Variants in LUZP2 observed in about 807,000 individuals in gnomAD.
The protein encoded by LUZP2 is leucine zipper protein 2.
A neutral mutation model predicts 51.6 loss-of-function variants in LUZP2; 52 were observed. The ratio of observed to expected loss-of-function variants is 1.01; its 90% CI spans 0.81 to 1.27. The LOEUF (loss-of-function observed/expected upper bound fraction) is 1.27. Among genes scored for constraint, LUZP2 ranks in the 50% most tolerant of loss-of-function variants. The pLI, the probability that LUZP2 is intolerant of heterozygous loss-of-function variation, is 0.00. For missense variants in LUZP2, 436 were observed against 395.4 expected (o/e 1.10, Z -0.87); for synonymous variants, 154 against 137.3 (o/e 1.12, Z -0.85).
chr11:24,692,965 GT>G (rs890087981), intron 1 of LUZP2, among the ~76,000 whole-genome samples: 87 of 150,884 alleles, frequency 5.8e-4, no homozygotes, highest in African/African-American at 1.9e-3. Flanking sequence ...TGACTGACAA[GT>G]TTTTTTTTAT....
intron 6 of LUZP2, among the ~76,000 whole-genome samples, chr11:24,909,676 C>T (rs1192572774): frequency 6.6e-6 from 1 of 152,000 alleles, no homozygotes; most frequent in African/African-American, 2.4e-5. Context: ...TAATGATAAC[C>T]ATGTAAAGCA....
chr11:24,976,742 C>T (rs1855893109), intron 8 of LUZP2, 77 bp downstream of exon 8: 7 of 705,436 alleles, frequency 9.9e-6, no homozygotes, highest in Admixed American at 3.8e-5. Context: ...TTAAAGTATG[C>T]TCATTGCTTT....
intron 6 of LUZP2, among the ~76,000 whole-genome samples, chr11:24,910,422 A>G (rs1171856687): frequency 2.0e-5 from 3 of 152,098 alleles, no homozygotes; most frequent in African/African-American, 7.2e-5. Flanking sequence ...TCTAGGAGGG[A>G]AAAATGGTGT....
intron 1 of LUZP2, among the ~76,000 whole-genome samples, chr11:24,523,773 G>A (rs959535398): frequency 2.0e-5 from 3 of 151,662 alleles, no homozygotes; most frequent in African/African-American, 7.2e-5. Flanking sequence ...GCATCATTAT[G>A]TTGTAATATA....
At chr11:24,857,709 A>AAATT (rs1554924692) in intron 5 of LUZP2, among the ~76,000 whole-genome samples, 1 of 152,030 alleles carries the variant, frequency 6.6e-6, no homozygotes, top group Non-Finnish European at 1.5e-5. Flanking sequence ...TCAGAGGGTG[A>AAATT]ACTTTAATTC....
At chr11:24,937,408 G>GA (rs961856993) in intron 7 of LUZP2, among the ~76,000 whole-genome samples, 5 of 151,750 alleles carry the variant, frequency 3.3e-5, no homozygotes, top group Non-Finnish European at 7.4e-5. Flanking sequence ...TGAATGAGAT[G>GA]AAAAAAACAC....
chr11:25,060,431 T>TC (rs1858803296), intron 10 of LUZP2, among the ~76,000 whole-genome samples: 2 of 152,156 alleles, frequency 1.3e-5, no homozygotes, highest in African/African-American at 4.8e-5. Flanking sequence ...TCCCAAGGGC[T>TC]CCAACGCCTT....
At chr11:24,667,088 G>A (rs759726306) in intron 1 of LUZP2, among the ~76,000 whole-genome samples, 3 of 151,682 alleles carry the variant, frequency 2.0e-5, no homozygotes, top group Non-Finnish European at 4.4e-5. Flanking sequence ...TACATATTAA[G>A]CATTACTAAT....
At chr11:24,831,187 G>A (rs77417666) in intron 5 of LUZP2, among the ~76,000 whole-genome samples, 1,750 of 152,174 alleles carry the variant, frequency 0.011, 38 homozygotes, top group African/African-American at 0.04. Flanking sequence ...ATCATCTCTA[G>A]CAGTAGAAAC....
intron 1 of LUZP2, among the ~76,000 whole-genome samples, chr11:24,668,650 G>A (rs1856296055): frequency 6.6e-6 from 1 of 152,152 alleles, no homozygotes; most frequent in Non-Finnish European, 1.5e-5. Flanking sequence ...TCATACAAGA[G>A]TGACTTCCCT....
chr11:24,822,415 C>T (rs765546099), intron 5 of LUZP2, among the ~76,000 whole-genome samples: 1 of 152,058 alleles, frequency 6.6e-6, no homozygotes, highest in African/African-American at 2.4e-5. Flanking sequence ...GTGACGTATT[C>T]TCATCACTAG....
intron 1 of LUZP2, among the ~76,000 whole-genome samples, chr11:24,711,756 T>C (rs929501045): frequency 2.1e-4 from 32 of 152,288 alleles, no homozygotes; most frequent in African/African-American, 7.7e-4. Flanking sequence ...TTCCCTCTCA[T>C]AAATTCCCTC....
rs1590907806 is a variant in LUZP2, at chr11:25,081,257, C to A, written c.*2599C>A. The A allele has an allele frequency of 6.6e-6, 1 of 151,978 alleles. No individual in the cohort carries two copies. The highest frequency in any genetic ancestry group is 6.6e-5 in the Admixed American group (1 of 15,246). 9.4% of individuals were successfully genotyped at this position (151,978 alleles called of 1,614,324 possible). A position where few individuals can be genotyped will look rare whatever the true frequency, so the allele number is the denominator to read the frequency against. ...CCATGTTGGCCAGGCTGGTCTCGAA[C>A]TCCTGACCTCAGGCGATCCACCTGC... On this transcript the variant is annotated 3_prime_UTR_variant, in exon 12 of 12. Transcript: ENST00000336930.
intron 7 of LUZP2, among the ~76,000 whole-genome samples, chr11:24,916,924 G>A (rs1853807962): frequency 6.6e-6 from 1 of 152,180 alleles, no homozygotes; most frequent in Non-Finnish European, 1.5e-5. Flanking sequence ...CTTCCACAGT[G>A]GTTGAACTAG....
chr11:24,997,811 G>A (rs1200735084), intron 9 of LUZP2, among the ~76,000 whole-genome samples: 1 of 152,154 alleles, frequency 6.6e-6, no homozygotes, highest in African/African-American at 2.4e-5. Context: ...GTGTAAGGAA[G>A]GGATCCAGTT....
At chr11:24,926,501 A>ATATG (rs200786199) in intron 7 of LUZP2, among the ~76,000 whole-genome samples, 65,278 of 135,554 alleles carry the variant, frequency 0.48, 16,872 homozygotes, top group East Asian at 0.77. Flanking sequence ...ATGTGTATAT[A>ATATG]TGTGTGTGTA....
intron 7 of LUZP2, among the ~76,000 whole-genome samples, chr11:24,936,331 A>G (rs1590750731): frequency 6.6e-6 from 1 of 152,152 alleles, no homozygotes; most frequent in Admixed American, 6.5e-5. Flanking sequence ...CTTAGCCCCT[A>G]CCGTTGTCAT....
At chr11:24,827,658 T>G (rs1326033881) in intron 5 of LUZP2, among the ~76,000 whole-genome samples, 2 of 152,094 alleles carry the variant, frequency 1.3e-5, no homozygotes, top group Non-Finnish European at 2.9e-5. Flanking sequence ...GCTGAAGAGG[T>G]AGGTGGAAAC....
At chr11:24,512,327 T>C (rs1306208394) in intron 1 of LUZP2, among the ~76,000 whole-genome samples, 1 of 132,006 alleles carries the variant, frequency 7.6e-6, no homozygotes, top group African/African-American at 2.7e-5. Flanking sequence ...TAATATCTAC[T>C]CCAAACCTTC....
Sources: allele counts gnomAD v4.1 joint callset (sites outside exome capture counted in the v4.1 genomes callset), GRCh38; gene constraint gnomAD v4.1.1; transcripts MANE v1.5; gene names NCBI Gene and HGNC (gene_info 2026-07-23, HGNC 2026-07-21).